RFX3: variants seen among roughly 807,000 people sequenced by gnomAD.
RFX3 encodes transcription factor RFX3.
In RFX3, 14 loss-of-function variants were observed where a neutral mutation model predicts 98.6. The observed-to-expected ratio is 0.14, with a 90% CI of 0.09 to 0.22. The LOEUF (loss-of-function observed/expected upper bound fraction) is 0.22. RFX3 is among the 10% of genes least tolerant of loss of function. The probability of loss-of-function intolerance (pLI) is 1.00; values close to 1 mark genes in which losing one functional copy is unlikely to be tolerated. For synonymous variants in RFX3, 383 were observed against 328.4 expected, an observed-to-expected ratio of 1.17 and a Z score of -1.80; for missense variants, 639 against 926.9, an observed-to-expected ratio of 0.69 and a Z score of 4.03.
At chr9:3,388,923 TC>T (rs1839998308) in intron 2 of RFX3, among the ~76,000 whole-genome samples, 1 of 151,944 alleles carries the variant, frequency 6.6e-6, no homozygotes, top group East Asian at 1.9e-4. Context: ...TTTGTGCTCT[TC>T]TCCAAGAAAG....
chr9:3,367,167 C>T (rs991270192), intron 2 of RFX3, among the ~76,000 whole-genome samples: 1 of 152,092 alleles, frequency 6.6e-6, no homozygotes, highest in African/African-American at 2.4e-5. Flanking sequence ...ATTGAGTAGG[C>T]CTGCTCTAGC....
At position 3,273,945 on chromosome 9, in the gene RFX3, T is replaced by C. The variant is rs10971052; in HGVS notation, c.1086+1555A>G. On this transcript the variant is annotated intron_variant, in intron 9 of 16. Transcript: ENST00000617270. ...GAACACATGGGAATGAGAAATTGTT[T>C]AGAGAATCTTTACACAAATCTTTAT... Among the ~76,000 whole-genome samples the C allele has an allele frequency of 2.6e-3, 393 of 152,270 alleles. 10 individuals carry two copies. In the East Asian group the frequency reaches 0.058, roughly 22 times the overall value.
rs1339467981 is a variant in RFX3, at chr9:3,429,403, T to C, written c.-8-33807A>G. 3.3e-5 allele frequency among the ~76,000 whole-genome samples: 5 copies of C among 149,376 alleles called. No homozygotes were observed. In the South Asian group the frequency reaches 1.0e-3, roughly 31 times the overall value. ...ATGTAATCTTAATATATACCAATAC[T>C]ATATATATAATATACAAATATATAT... On this transcript the variant is annotated intron_variant, in intron 1 of 16. Transcript: ENST00000617270.
intron 1 of RFX3, among the ~76,000 whole-genome samples, chr9:3,438,061 A>G (rs1845307299): frequency 6.6e-6 from 1 of 152,096 alleles, no homozygotes; most frequent in African/African-American, 2.4e-5. Flanking sequence ...CAAGCTGGCC[A>G]TCTCCAAGAT....
intron 1 of RFX3, among the ~76,000 whole-genome samples, chr9:3,447,627 A>G (rs369763898): frequency 3.0e-4 from 46 of 152,268 alleles, no homozygotes; most frequent in African/African-American, 1.1e-3. Context: ...AACTTATCAC[A>G]TTGTGATCTT....
intron 1 of RFX3, among the ~76,000 whole-genome samples, chr9:3,437,818 T>C (rs1161874470): frequency 6.6e-6 from 1 of 152,036 alleles, no homozygotes; most frequent in Non-Finnish European, 1.5e-5. Flanking sequence ...GAATGCCCTC[T>C]CTCCATGTCA....
At chr9:3,446,125 T>C (rs928219204) in intron 1 of RFX3, among the ~76,000 whole-genome samples, 1 of 152,032 alleles carries the variant, frequency 6.6e-6, no homozygotes, top group Admixed American at 6.6e-5. Context: ...TAAATATTGA[T>C]TGACTGAATG....
At position 3,407,612 on chromosome 9, in the gene RFX3, C is replaced by A. The variant is rs559112553; in HGVS notation, c.-8-12016G>T. Among the ~76,000 whole-genome samples, 45 of 152,090 alleles carry A rather than the reference C, an allele frequency of 3.0e-4. No homozygotes were observed. In the South Asian group the frequency reaches 9.3e-3, roughly 32 times the overall value. On this transcript the variant is annotated intron_variant, in intron 1 of 16. Transcript: ENST00000617270. ...CAGTATTAGGCTAATAATATGACAACAATTTAGATGTTTAACACACCAACT... is the reference window on the plus strand; with the variant it reads ...CAGTATTAGGCTAATAATATGACAAAAATTTAGATGTTTAACACACCAACT...
At chr9:3,269,734 G>A (rs573638510) in intron 11 of RFX3, among the ~76,000 whole-genome samples, 2 of 152,218 alleles carry the variant, frequency 1.3e-5, no homozygotes, top group South Asian at 4.1e-4. Context: ...TAGTTACAAA[G>A]ATTTTTCTCT....
intron 7 of RFX3, among the ~76,000 whole-genome samples, chr9:3,287,838 T>C (rs1826833103): frequency 6.6e-6 from 1 of 151,894 alleles, no homozygotes; most frequent in South Asian, 2.1e-4. Flanking sequence ...ATTTCTCCAG[T>C]TGGTATTTGC....
rs1291470598 is a variant in RFX3 at position 3,221,539 on chromosome 9, G to C, written c.*3503C>G. 1 of 152,086 alleles carries C rather than the reference G, an allele frequency of 6.6e-6. No homozygotes were observed. The highest frequency in any genetic ancestry group is 1.5e-5 in the Non-Finnish European group (1 of 67,992). 9.4% of individuals were successfully genotyped at this position (152,086 alleles called of 1,614,324 possible). On this transcript the variant is annotated 3_prime_UTR_variant, in exon 17 of 17. Transcript: ENST00000617270. The stretch of plus-strand genomic sequence containing the variant: ...GCATAAACCGTGCTATACAGTACAA[G>C]AAAAATCACACAAAGGAAAGCAGAT...
chr9:3,477,308 G>C (rs138402920), intron 1 of RFX3, among the ~76,000 whole-genome samples: 13 of 152,230 alleles, frequency 8.5e-5, no homozygotes, highest in African/African-American at 2.6e-4. Context: ...TCTTCACACG[G>C]ATTAAAATTT....
chr9:3,288,244 G>A lies in RFX3; in HGVS notation c.738C>T (p.Asn246=), dbSNP rs199563336. ...GAATCCCATAGTAGTGGTATTTGGA[G>A]TTTCCTCTTCATTAATGAACAAGAA... ...LRTRRLGTRG[N]SKYHYYGIRV... The change falls in exon 7 of 17, where the codon AAC becomes AAT. Residue 246 remains asparagine (N), a synonymous_variant. Transcript: ENST00000617270. The A allele has an allele frequency of 5.0e-5, 80 of 1,611,694 alleles. No homozygotes were observed. The highest frequency in any genetic ancestry group is 2.0e-4 in the East Asian group (9 of 44,748).
intron 1 of RFX3, among the ~76,000 whole-genome samples, chr9:3,525,249 A>C (rs1273693404): frequency 6.6e-6 from 1 of 152,054 alleles, no homozygotes; most frequent in Non-Finnish European, 1.5e-5. Context: ...CAACAACAAA[A>C]CACCACCTCT....
intron 1 of RFX3, among the ~76,000 whole-genome samples, chr9:3,413,843 TAAGTAATA>T: frequency 6.6e-6 from 1 of 152,196 alleles, no homozygotes; most frequent in African/African-American, 2.4e-5. Context: ...GGATGAATAC[TAAGTAATA>T]AATCAGGAAA....
At chr9:3,264,752 TG>T (rs935154584) in intron 12 of RFX3, among the ~76,000 whole-genome samples, 140 of 152,298 alleles carry the variant, frequency 9.2e-4, no homozygotes, top group African/African-American at 3.3e-3. Flanking sequence ...AAATTGTCTC[TG>T]TTAATTGAAT....
chr9:3,344,785 C>G (rs186786180), intron 3 of RFX3: 2 of 697,968 alleles, frequency 2.9e-6, no homozygotes, highest in Non-Finnish European at 5.3e-6. Flanking sequence ...GCATAAAGGT[C>G]GAAGTGGCAG....
At chr9:3,524,827 G>GCA (rs34119220) in intron 1 of RFX3, among the ~76,000 whole-genome samples, 4,282 of 128,118 alleles carry the variant, frequency 0.033, 80 homozygotes, top group Middle Eastern at 0.054. Flanking sequence ...TAAATCACAA[G>GCA]CACACACACA....
chr9:3,345,197 T>G (rs1361156700), intron 3 of RFX3, among the ~76,000 whole-genome samples: 2 of 152,000 alleles, frequency 1.3e-5, no homozygotes, highest in Non-Finnish European at 2.9e-5. Flanking sequence ...GACATGTCTG[T>G]CTATAAAGAT....
Sources: gnomAD v4.1 joint callset for allele counts (sites outside exome capture counted in the v4.1 genomes callset) on GRCh38, gnomAD v4.1.1 for gene constraint, MANE v1.5 for transcripts, NCBI Gene and HGNC (gene_info 2026-07-23, HGNC 2026-07-21) for gene names.